MYO5B: variants seen among roughly 807,000 people sequenced by gnomAD.
The protein encoded by MYO5B is unconventional myosin-Vb.
In MYO5B, 143 loss-of-function variants were observed where a neutral mutation model predicts 229.3. The ratio of observed to expected loss-of-function variants is 0.62; its 90% CI spans 0.54 to 0.72. MYO5B has a LOEUF of 0.72. Ranked by LOEUF, MYO5B falls within the 30% of genes least tolerant of loss-of-function variation. MYO5B has a pLI of 0.00. For missense variants in MYO5B, 2,321 were observed against 2,331.0 expected, an observed-to-expected ratio of 1.00 and a Z score of 0.09; for synonymous variants, 918 against 885.2, an observed-to-expected ratio of 1.04 and a Z score of -0.66.
chr18:49,978,100 G>A (rs1035088494), intron 9 of MYO5B, among the ~76,000 whole-genome samples: 5 of 152,094 alleles, frequency 3.3e-5, no homozygotes, highest in Admixed American at 2.6e-4. Flanking sequence ...ACTTCCTGCC[G>A]CCTAGCAGAG....
At chr18:49,936,971 G>C (rs1273477313) in intron 15 of MYO5B, among the ~76,000 whole-genome samples, 4 of 152,100 alleles carry the variant, frequency 2.6e-5, no homozygotes, top group African/African-American at 9.7e-5. Flanking sequence ...TCCCACACTA[G>C]GTGTCTTTGG....
rs186550163 is a variant in MYO5B at position 50,005,698 on chromosome 18, T to C, written c.456-4287A>G. On this transcript the variant is annotated intron_variant, in intron 4 of 39. Coordinates refer to ENST00000285039, the MANE Select transcript of MYO5B (RefSeq NM_001080467.3). ...TCCCAAAGTGCTAGAATTACAGGCA[T>C]GAGCCACTGCCTGGCCTATATTTCT... Among the ~76,000 whole-genome samples, 424 of 152,336 alleles carry C rather than the reference T, an allele frequency of 2.8e-3. 5 individuals are homozygous for C. Among genetic ancestry groups the C allele is most frequent in the African/African-American group, 9.7e-3 (405 of 41,584 alleles).
At chr18:50,110,147 C>A (rs1568110479) in intron 1 of MYO5B, among the ~76,000 whole-genome samples, 1 of 152,272 alleles carries the variant, frequency 6.6e-6, no homozygotes, top group East Asian at 1.9e-4. Flanking sequence ...CCCAGATATC[C>A]ACGCTGCTTC....
chr18:49,849,703 C>T, intron 31 of MYO5B, 43 bp from the exon 32 acceptor site: 1 of 1,502,890 alleles, frequency 6.7e-7, no homozygotes, highest in Non-Finnish European at 9.2e-7. Context: ...ATCAGCCCGG[C>T]CTGGGATGGT....
intron 1 of MYO5B, among the ~76,000 whole-genome samples, chr18:50,100,670 T>C (rs1275821311): frequency 1.3e-5 from 2 of 152,214 alleles, no homozygotes; most frequent in South Asian, 2.1e-4. Flanking sequence ...AAAAGCCACA[T>C]ACTATGCATG....
In MYO5B at chr18:50,001,534, G is replaced by T. The variant is rs573523063; in HGVS notation, c.456-123C>A. On this transcript the variant is annotated intron_variant, in intron 4 of 39. Coordinates refer to ENST00000285039, the MANE Select transcript of MYO5B (RefSeq NM_001080467.3). ...ATCTCTCCTACTTTAATGGATAAAC[G>T]CAGAGGAACAGTGTAAAAATAGTCT... is the stretch of plus-strand genomic sequence containing the variant. 2.5e-6 allele frequency: 3 copies of T among 1,195,542 alleles called. No homozygotes were observed. The Admixed American group carries it at 5.1e-5, about 20-fold the overall frequency. The allele number at this position is 1,195,542 out of a possible 1,614,324, so 74.1% of individuals were successfully genotyped here.
chr18:49,997,505 T>G (rs2026002862), intron 5 of MYO5B, among the ~76,000 whole-genome samples: 2 of 151,150 alleles, frequency 1.3e-5, no homozygotes, highest in Admixed American at 6.6e-5. Context: ...GTTGTCTGCC[T>G]GCAAAGTCCA....
chr18:49,908,783 A>G (rs35199709), intron 18 of MYO5B, among the ~76,000 whole-genome samples: 54,449 of 152,082 alleles, frequency 0.36, 11,864 homozygotes, highest in Middle Eastern at 0.55. Flanking sequence ...CACTCTTTTT[A>G]TAACCCTCAC....
intron 14 of MYO5B, among the ~76,000 whole-genome samples, chr18:49,947,206 C>G (rs1386288307): frequency 6.7e-6 from 1 of 149,306 alleles, no homozygotes; most frequent in Non-Finnish European, 1.5e-5. Context: ...CCCGGGTTCA[C>G]GCCATTCTCC....
chr18:50,003,289 C>A (rs182402672), intron 4 of MYO5B, among the ~76,000 whole-genome samples: 44 of 152,292 alleles, frequency 2.9e-4, no homozygotes, highest in Admixed American at 2.5e-3. Flanking sequence ...ATTTGATACA[C>A]AACCAACTAC....
chr18:50,022,493 G>A (rs1029115428), intron 4 of MYO5B, among the ~76,000 whole-genome samples: 1 of 152,168 alleles, frequency 6.6e-6, no homozygotes, highest in Admixed American at 6.5e-5. Flanking sequence ...TGTCTCAAGT[G>A]GATTAGGATT....
chr18:49,920,650 C>G (rs2025063757), intron 17 of MYO5B, among the ~76,000 whole-genome samples: 1 of 152,162 alleles, frequency 6.6e-6, no homozygotes, highest in Non-Finnish European at 1.5e-5. Context: ...AAAACCCACT[C>G]CATCCTATCA....
intron 1 of MYO5B, among the ~76,000 whole-genome samples, chr18:50,109,504 C>A (rs919790889): frequency 6.6e-6 from 1 of 151,786 alleles, no homozygotes; most frequent in Non-Finnish European, 1.5e-5. Flanking sequence ...CAGCTCACTG[C>A]AAGCTCCGCT....
chr18:49,904,657 A>G lies in MYO5B; in HGVS notation c.2571+15T>C. On this transcript the variant is annotated intron_variant, in intron 20 of 39. Transcript: ENST00000285039. ...CTGAATCTGCAGCCCTGAGGCCCTC[A>G]GAGTGGCTACTCACCTGGCGGTAGG... 3 of 1,613,712 alleles carry G rather than the reference A, an allele frequency of 1.9e-6. No individual in the cohort carries two copies.
At chr18:49,940,926 T>A (rs1006966738) in intron 14 of MYO5B, among the ~76,000 whole-genome samples, 1 of 152,162 alleles carries the variant, frequency 6.6e-6, no homozygotes, top group African/African-American at 2.4e-5. Flanking sequence ...ACTAAAAACA[T>A]ACAAAAAAAT....
chr18:50,109,704 G>T (rs1053096948), intron 1 of MYO5B, among the ~76,000 whole-genome samples: 2 of 152,186 alleles, frequency 1.3e-5, no homozygotes, highest in African/African-American at 2.4e-5. Context: ...GGGATTACAG[G>T]CATGAGCCAC....
At chr18:49,852,175 C>A (rs965754852) in intron 31 of MYO5B, among the ~76,000 whole-genome samples, 5 of 152,244 alleles carry the variant, frequency 3.3e-5, no homozygotes, top group South Asian at 2.1e-4. Flanking sequence ...CCTTGGCAAC[C>A]TTGTGTTGGT....
intron 39 of MYO5B, among the ~76,000 whole-genome samples, chr18:49,829,403 T>C (rs2023887520): frequency 6.6e-6 from 1 of 152,114 alleles, no homozygotes; most frequent in Non-Finnish European, 1.5e-5. Context: ...CCAAAACTGA[T>C]TTAAGAAGAA....
chr18:49,862,527 C>T (rs572215230), intron 29 of MYO5B, among the ~76,000 whole-genome samples: 12 of 152,268 alleles, frequency 7.9e-5, no homozygotes, highest in African/African-American at 1.4e-4. Flanking sequence ...GTCATGTGAC[C>T]GCTACTAAAC....
Sources: gnomAD v4.1 joint callset for allele counts (sites outside exome capture counted in the v4.1 genomes callset) on GRCh38, gnomAD v4.1.1 for gene constraint, MANE v1.5 for transcripts, NCBI Gene and HGNC (gene_info 2026-07-23, HGNC 2026-07-21) for gene names.